RP1L1: variants seen among roughly 807,000 people sequenced by gnomAD.
RP1L1 encodes the protein retinitis pigmentosa 1-like 1 protein.
Under a neutral mutation model 15.7 loss-of-function variants are expected in RP1L1, and 27 were observed. The observed-to-expected ratio is 1.72, with a 90% CI of 1.27 to 2.38. RP1L1 has a LOEUF of 2.38. Ranked by LOEUF, RP1L1 falls within the 30% of genes most tolerant of loss-of-function variation. The probability of loss-of-function intolerance (pLI) is 0.00; values close to 1 mark genes in which losing one functional copy is unlikely to be tolerated. For missense variants in RP1L1, 4,798 were observed against 3,075.9 expected, an observed-to-expected ratio of 1.56 and a Z score of -13.24; for synonymous variants, 1,813 against 1,276.7, an observed-to-expected ratio of 1.42 and a Z score of -8.96.
chr8:10,612,745 G>C lies in RP1L1; in HGVS notation c.1353C>G (p.Asp451Glu), dbSNP rs757319186. Reference sequence around the variant, plus strand: ...CGGTGCTGGAGGCTGGGCTGGCACTGTCCTGGCTGCATCTCTCCCTCCCGG... The same window carrying C: ...CGGTGCTGGAGGCTGGGCTGGCACTCTCCTGGCTGCATCTCTCCCTCCCGG... ...GTAGRERCSQ[D>E]SASPASSTGL... The change falls in exon 4 of 4, where the codon GAC (aspartate) becomes GAG (glutamate). Residue 451 changes from aspartate (D) to glutamate (E), a missense_variant. By Grantham distance (45) the Asp-to-Glu change is conservative. Coordinates refer to ENST00000382483, the MANE Select transcript of RP1L1 (RefSeq NM_178857.6). The C allele has an allele frequency of 3.7e-6, 6 of 1,607,852 alleles. No individual in the cohort carries two copies. The highest frequency in any genetic ancestry group is 4.2e-6 in the Non-Finnish European group (5 of 1,179,822).
At chr8:10,625,821 G>A (rs923509035) in intron 1 of RP1L1, among the ~76,000 whole-genome samples, 1 of 152,116 alleles carries the variant, frequency 6.6e-6, no homozygotes, top group Admixed American at 6.5e-5. Flanking sequence ...CACCCCTGGG[G>A]CTGATTAGGC....
chr8:10,649,003 C>G (rs7018069), intron 1 of RP1L1, among the ~76,000 whole-genome samples: 11,100 of 152,254 alleles, frequency 0.073, 1,256 homozygotes, highest in African/African-American at 0.24. Context: ...TGTAGGCCCT[C>G]GCCTCCCAGC....
rs542538764 is a variant in RP1L1 at position 10,622,957 on chromosome 8, G to A, written c.245C>T (p.Thr82Ile). 7 of 1,614,094 alleles carry A rather than the reference G, an allele frequency of 4.3e-6. No individual in the cohort carries two copies. The highest frequency in any genetic ancestry group is 1.7e-5 in the Admixed American group (1 of 60,014). ...GAGGCTATGCAGGCCCCGGGGTGTGGTGACAGAGCGCACCCCAAAGGAGAG... is the reference window on the plus strand; with the variant it reads ...GAGGCTATGCAGGCCCCGGGGTGTGATGACAGAGCGCACCCCAAAGGAGAG... ...VPLSFGVRSV[T>I]TPRGLHSLSA... Residue 82 changes from threonine to isoleucine, a missense_variant, in exon 2 of 4, where the codon ACC (threonine) becomes ATC (isoleucine). By Grantham distance (89) the Thr-to-Ile change is moderately conservative. Coordinates refer to ENST00000382483, the MANE Select transcript of RP1L1 (RefSeq NM_178857.6).
At position 10,608,339 on chromosome 8, in the gene RP1L1, T is replaced by C. The variant is rs773266989; in HGVS notation, c.5759A>G (p.Glu1920Gly). The change falls in exon 4 of 4, where the codon GAA (glutamate) becomes GGA (glycine). Residue 1920 changes from glutamate (E) to glycine (G), a missense_variant. Physicochemically the swap from Glu to Gly is moderately conservative, Grantham distance 98. Transcript: ENST00000382483. ...TTCAGTCTCCAGGGCCTCTACACTT[T>C]CTGTCTCTGGCTGGGCCTCCTTTTC... ...EAEKEAQPET[E>G]SVEALETEGE... is the part of the protein sequence containing the mutation. The C allele has an allele frequency of 1.2e-6, 2 of 1,612,154 alleles. No individual in the cohort carries two copies. Among genetic ancestry groups the C allele is most frequent in the Non-Finnish European group, 1.7e-6 (2 of 1,179,654 alleles).
intron 1 of RP1L1, among the ~76,000 whole-genome samples, chr8:10,626,866 G>A (rs1047289165): frequency 4.6e-5 from 7 of 152,198 alleles, no homozygotes; most frequent in African/African-American, 1.7e-4. Flanking sequence ...AGCGGCAGGA[G>A]CCACTGTGCT....
In RP1L1 at chr8:10,607,140, G is replaced by C; in HGVS notation, c.6958C>G (p.Leu2320Val). The change falls in exon 4 of 4, where the codon CTT becomes GTT. Residue 2320 changes from leucine (L) to valine (V), a missense_variant. Transcript: ENST00000382483. ...WQKDSENDHVLGDTRSPDAKS... is the reference protein window; with the variant it reads ...WQKDSENDHVVGDTRSPDAKS... The stretch of plus-strand genomic sequence containing the variant: ...GCATCAGGGCTCCTTGTGTCTCCAA[G>C]TACATGGTCATTTTCTGAGTCTTTC... 1 of 1,614,244 alleles carries C rather than the reference G, an allele frequency of 6.2e-7. No homozygotes were observed. Among genetic ancestry groups the C allele is most frequent in the South Asian group, 1.1e-5 (1 of 91,080 alleles).
At chr8:10,621,931 C>G (rs1320607431) in intron 2 of RP1L1, among the ~76,000 whole-genome samples, 4 of 152,170 alleles carry the variant, frequency 2.6e-5, no homozygotes, top group African/African-American at 9.7e-5. Flanking sequence ...CCTCCAACGC[C>G]CTGTATTAAA....
intron 2 of RP1L1, chr8:10,621,630 G>A: frequency 4.5e-6 from 2 of 448,476 alleles, no homozygotes; most frequent in South Asian, 1.6e-5. Context: ...CCAGTGATAT[G>A]ATATTTATGA....
intron 1 of RP1L1, among the ~76,000 whole-genome samples, chr8:10,638,176 C>T (rs956764532): frequency 1.3e-5 from 2 of 152,244 alleles, no homozygotes; most frequent in African/African-American, 4.8e-5. Context: ...ACATCGATTA[C>T]ACACGTGAAC....
At position 10,610,127 on chromosome 8, in the gene RP1L1, T is replaced by TCTTGCAGCCCTTCTTCTGTTTTATTCC. The variant is rs1554451574; in HGVS notation, c.3970_3971insGGAATAAAACAGAAGAAGGGCTGCAAG (p.Glu1323_Glu1324insGlyAsnLysThrGluGluGlyLeuGln). 1 of 1,194,104 alleles carries TCTTGCAGCCCTTCTTCTGTTTTATTCC rather than the reference T, an allele frequency of 8.4e-7. No individual in the cohort carries two copies. The highest frequency in any genetic ancestry group is 1.2e-6 in the Non-Finnish European group (1 of 859,442). 74.0% of individuals were successfully genotyped at this position (1,194,104 alleles called of 1,614,324 possible). On this transcript the variant is annotated inframe_insertion, in exon 4 of 4. Coordinates refer to ENST00000382483, the MANE Select transcript of RP1L1 (RefSeq NM_178857.6). ...TTGCAGCCCTTCTTCTGTTTTAGTT[T>TCTTGCAGCCCTTCTTCTGTTTTATTCC]CCTCTAACTGCACCGCCTCTTCTTG...
chr8:10,610,632 C>T lies in RP1L1; in HGVS notation c.3466G>A (p.Asp1156Asn). ...CCAACGTCACATCCTGGCCACAGGTCCTTCGAGATGCTGAGCAGCTCCTGG... is the reference window on the plus strand; with the variant it reads ...CCAACGTCACATCCTGGCCACAGGTTCTTCGAGATGCTGAGCAGCTCCTGG... ...RYQELLSISKDLWPGCDVGED... is the reference protein window; with the variant it reads ...RYQELLSISKNLWPGCDVGED... Residue 1156 changes from aspartate to asparagine, a missense_variant, in exon 4 of 4, where the codon GAC becomes AAC. Coordinates refer to ENST00000382483, the MANE Select transcript of RP1L1 (RefSeq NM_178857.6). 6.2e-7 allele frequency: 1 copy of T among 1,612,334 alleles called. No homozygotes were observed. The highest frequency in any genetic ancestry group is 8.5e-7 in the Non-Finnish European group (1 of 1,179,344).
At chr8:10,614,089 G>C (rs949057596) in intron 3 of RP1L1, among the ~76,000 whole-genome samples, 6 of 152,210 alleles carry the variant, frequency 3.9e-5, no homozygotes, top group Non-Finnish European at 8.8e-5. Context: ...GGCAGGCAGA[G>C]TGGCAGTGCC....
chr8:10,610,114 T>TA lies in RP1L1; in HGVS notation c.3983_3984insT (p.Glu1328AspfsTer15), dbSNP rs760634189. The TA allele has an allele frequency of 1.0e-5, 15 of 1,476,748 alleles. No individual in the cohort carries two copies. In the African/African-American group the frequency reaches 1.9e-4, roughly 18 times the overall value. The allele number at this position is 1,476,748 out of a possible 1,614,324, so 91.5% of individuals were successfully genotyped here. A position where few individuals can be genotyped will look rare whatever the true frequency, so the allele number is the denominator to read the frequency against. ...GCACCCCCTCTTCTTGCAGCCCTTC[T>TA]TCTGTTTTAGTTTCCTCTAACTGCA... On this transcript the variant is annotated frameshift_variant, in exon 4 of 4. Transcript: ENST00000382483. LOFTEE classifies it low-confidence loss of function (END_TRUNC).
At chr8:10,636,266 G>T (rs1379966775) in intron 1 of RP1L1, among the ~76,000 whole-genome samples, 3 of 152,176 alleles carry the variant, frequency 2.0e-5, no homozygotes, top group Non-Finnish European at 4.4e-5. Context: ...GGCATCTGGG[G>T]CCGGTGACTC....
At chr8:10,638,189 A>G (rs1798357376) in intron 1 of RP1L1, among the ~76,000 whole-genome samples, 1 of 152,266 alleles carries the variant, frequency 6.6e-6, no homozygotes, top group African/African-American at 2.4e-5. Context: ...ACGTGAACCC[A>G]AAAATACCGA....
intron 1 of RP1L1, among the ~76,000 whole-genome samples, chr8:10,643,862 G>T (rs553278342): frequency 6.6e-6 from 1 of 151,988 alleles, no homozygotes; most frequent in Non-Finnish European, 1.5e-5. Flanking sequence ...GAAATTCAGG[G>T]AATGGAAGCA....
At chr8:10,623,497 CACCATGTCCCCAGA>C (rs201140132) in intron 1 of RP1L1, among the ~76,000 whole-genome samples, 3,533 of 29,744 alleles carry the variant, frequency 0.12, 106 homozygotes, top group South Asian at 0.37. Flanking sequence ...CCTTCAGAGT[CACCATGTCCCCAGA>C]ACCACCATGA....
At chr8:10,640,077 G>C (rs936580847) in intron 1 of RP1L1, among the ~76,000 whole-genome samples, 1 of 152,146 alleles carries the variant, frequency 6.6e-6, no homozygotes. Flanking sequence ...AGCTATCTCA[G>C]GATAACACCC....
intron 1 of RP1L1, among the ~76,000 whole-genome samples, chr8:10,635,293 C>A (rs1020513300): frequency 7.2e-6 from 1 of 138,192 alleles, no homozygotes; most frequent in Non-Finnish European, 1.6e-5. Flanking sequence ...ATTCTATCAC[C>A]TTCTCTAAGA....
Sources: allele counts gnomAD v4.1 joint callset (sites outside exome capture counted in the v4.1 genomes callset), GRCh38; gene constraint gnomAD v4.1.1; transcripts MANE v1.5; gene names NCBI Gene and HGNC (gene_info 2026-07-23, HGNC 2026-07-21).